SLC15A2: variants seen among roughly 807,000 people sequenced by gnomAD.
The protein encoded by SLC15A2 is kidney H(+)/peptide cotransporter.
Under a neutral mutation model 95.5 loss-of-function variants are expected in SLC15A2, and 77 were observed. That is an observed-to-expected ratio of 0.81 (90% confidence interval 0.67 to 0.97). The LOEUF (loss-of-function observed/expected upper bound fraction) is 0.97. Ranked by LOEUF, SLC15A2 falls within the 50% of genes least tolerant of loss-of-function variation. SLC15A2 has a pLI of 0.00. For synonymous variants in SLC15A2, 306 were observed against 306.9 expected, an observed-to-expected ratio of 1.00 and a Z score of 0.03; for missense variants, 893 against 874.4, an observed-to-expected ratio of 1.02 and a Z score of -0.27.
chr3:121,898,482 G>C (rs77858418), intron 3 of SLC15A2, among the ~76,000 whole-genome samples: 1 of 152,114 alleles, frequency 6.6e-6, no homozygotes, highest in Non-Finnish European at 1.5e-5. Context: ...GAAATGGATC[G>C]TGGTTATCCC....
chr3:121,897,813 A>G (rs1384599049), intron 3 of SLC15A2, among the ~76,000 whole-genome samples: 1 of 152,204 alleles, frequency 6.6e-6, no homozygotes, highest in Non-Finnish European at 1.5e-5. Flanking sequence ...TCCATAGTTT[A>G]ATATTAAATC....
intron 7 of SLC15A2, 93 bp downstream of exon 7, chr3:121,915,786 A>G: frequency 2.3e-6 from 2 of 873,346 alleles, no homozygotes; most frequent in Non-Finnish European, 3.9e-6. Context: ...GTTTCATTCA[A>G]TCCTCACACC....
At chr3:121,916,914 G>A (rs981009259) in intron 7 of SLC15A2, among the ~76,000 whole-genome samples, 1 of 151,854 alleles carries the variant, frequency 6.6e-6, no homozygotes, top group Non-Finnish European at 1.5e-5. Flanking sequence ...TCCACGTCCC[G>A]GGTTCACGCC....
chr3:121,928,256 C>A, intron 14 of SLC15A2, 165 bp from the exon 15 acceptor site: 1 of 756,100 alleles, frequency 1.3e-6, no homozygotes, highest in Non-Finnish European at 2.1e-6. Flanking sequence ...ATGTTTCCCT[C>A]TCCAAGCTGC....
At chr3:121,913,143 T>A in intron 5 of SLC15A2, 23 bp downstream of exon 5, 1 of 1,579,192 alleles carries the variant, frequency 6.3e-7, no homozygotes, top group Non-Finnish European at 8.7e-7. Flanking sequence ...TTATTTTGTA[T>A]TTTCAAGAAT....
In SLC15A2 at chr3:121,922,779, C is replaced by G. The variant is rs377297802; in HGVS notation, c.785C>G (p.Ala262Gly). 8 of 1,612,820 alleles carry G rather than the reference C, an allele frequency of 5.0e-6. No homozygotes were observed. In the African/African-American group the frequency reaches 1.1e-4, roughly 22 times the overall value. The change falls in exon 9 of 22, where the codon GCT (alanine) becomes GGT (glycine). Residue 262 changes from alanine (A) to glycine (G), a missense_variant. By Grantham distance (60) the Ala-to-Gly change is moderately conservative. Coordinates refer to ENST00000489711, the MANE Select transcript of SLC15A2 (RefSeq NM_021082.4). Reference sequence around the variant, plus strand: ...GATGTCTACTCTCTGCCCTAGTTTGCTATTTCCAATCGTTTCAAGAACCGT... The same window carrying G: ...GATGTCTACTCTCTGCCCTAGTTTGGTATTTCCAATCGTTTCAAGAACCGT... Reference protein sequence around the residue: ...VAQVFKCIWFAISNRFKNRSG... With the variant: ...VAQVFKCIWFGISNRFKNRSG...
intron 3 of SLC15A2, among the ~76,000 whole-genome samples, chr3:121,906,574 C>T (rs550910180): frequency 6.6e-6 from 1 of 152,278 alleles, no homozygotes; most frequent in African/African-American, 2.4e-5. Flanking sequence ...AATCTCTTAG[C>T]ATTTGCTTGC....
rs548579256 is a variant in SLC15A2 at position 121,907,433 on chromosome 3, T to TCTGG, written c.336-4140_336-4137dup. On this transcript the variant is annotated intron_variant, in intron 3 of 21. Transcript: ENST00000489711. ...CGATCCTTTGGAGGAGAAGAGGCAC[T>TCTGG]CTGGTTTTTAGAATTTTGAGCTTTT... 1.7e-4 allele frequency among the ~76,000 whole-genome samples: 26 copies of TCTGG among 152,340 alleles called. No individual in the cohort carries two copies. The East Asian group carries it at 5.0e-3, about 29-fold the overall frequency.
intron 13 of SLC15A2, among the ~76,000 whole-genome samples, chr3:121,925,830 T>A (rs1429568259): frequency 7.6e-6 from 1 of 131,224 alleles, no homozygotes; most frequent in East Asian, 2.3e-4. Flanking sequence ...GAAGGGAAGA[T>A]CAAGTGCCAA....
In SLC15A2 at chr3:121,911,625, C is replaced by G. The variant is rs1048148268; in HGVS notation, c.387C>G (p.Ser129=). Residue 129 remains serine (S), a synonymous_variant, in exon 4 of 22, where the codon TCC becomes TCG. Transcript: ENST00000489711. ...LVYVLGHVIK[S]LGALPILGGQ... ...ATGTGCTTGGCCATGTGATCAAGTC[C>G]TTGGGTGCCTTACCAATACTGGGAG... 6 of 1,613,840 alleles carry G rather than the reference C, an allele frequency of 3.7e-6. No homozygotes were observed. Among genetic ancestry groups the G allele is most frequent in the Non-Finnish European group, 3.4e-6 (4 of 1,179,860 alleles).
intron 19 of SLC15A2, among the ~76,000 whole-genome samples, chr3:121,936,099 T>C (rs1212467995): frequency 6.6e-6 from 1 of 152,246 alleles, no homozygotes; most frequent in African/African-American, 2.4e-5. Flanking sequence ...TAATCCTGAG[T>C]TCTAGTTGGA....
Position 121,922,273 on chromosome 3 carries a change from A to G in SLC15A2, c.751A>G (p.Ile251Val), listed in dbSNP as rs760429893. Residue 251 changes from isoleucine (I) to valine (V), a missense_variant, in exon 8 of 22, where the codon ATA (isoleucine) becomes GTA (valine). Coordinates refer to ENST00000489711, the MANE Select transcript of SLC15A2 (RefSeq NM_021082.4). ...IYNKPPPEGN[I>V]VAQVFKCIWF... The stretch of plus-strand genomic sequence containing the variant: ...CAATAAACCACCCCCTGAAGGAAAC[A>G]TAGTGGCTCAAGTTTTCAAATGTAT... 1.5e-5 allele frequency: 25 copies of G among 1,613,878 alleles called. No homozygotes were observed. Among genetic ancestry groups the G allele is most frequent in the East Asian group, 2.2e-5 (1 of 44,886 alleles).
At chr3:121,903,206 T>C (rs1025103938) in intron 3 of SLC15A2, among the ~76,000 whole-genome samples, 3 of 152,256 alleles carry the variant, frequency 2.0e-5, no homozygotes, top group Non-Finnish European at 4.4e-5. Flanking sequence ...GTGTTGTTTT[T>C]TTCTTGTAAA....
intron 19 of SLC15A2, among the ~76,000 whole-genome samples, chr3:121,932,953 T>C (rs1710262391): frequency 6.6e-6 from 1 of 151,968 alleles, no homozygotes; most frequent in African/African-American, 2.4e-5. Context: ...GATGTTCCCC[T>C]TCCTGTGTCC....
In SLC15A2 at chr3:121,934,495, A is replaced by G. The variant is rs916034083; in HGVS notation, c.1761+2760A>G. Among the ~76,000 whole-genome samples, 11 of 151,656 alleles carry G rather than the reference A, an allele frequency of 7.3e-5. 1 individual carries two copies. In the South Asian group the frequency reaches 1.3e-3, roughly 17 times the overall value. ...GTCCTTCACATCCCTTGTAAGTTGG[A>G]TTCCTAGGTATTTTATTCTCTTTGA... On this transcript the variant is annotated intron_variant, in intron 19 of 21. Transcript: ENST00000489711.
rs540880256 is a variant in SLC15A2, at chr3:121,921,027, T to C, written c.698-1193T>C. On this transcript the variant is annotated intron_variant, in intron 7 of 21. Transcript: ENST00000489711. ...CACTATTTTATAACTACAAAGGTAA[T>C]ACCAGCTCATTGTTAATTTGGAAAA... 7.9e-5 allele frequency among the ~76,000 whole-genome samples: 12 copies of C among 152,320 alleles called. No homozygotes were observed. In the East Asian group the frequency reaches 2.3e-3, roughly 29 times the overall value.
chr3:121,941,058 A>T lies in SLC15A2; in HGVS notation c.*51A>T. On this transcript the variant is annotated 3_prime_UTR_variant, in exon 22 of 22. Coordinates refer to ENST00000489711, the MANE Select transcript of SLC15A2 (RefSeq NM_021082.4). The stretch of plus-strand genomic sequence containing the variant: ...CCAATTCCTGGCCCTGTCTTGAAGC[A>T]TTTTTTTTCTTCTACTGGATTAGAC... The T allele has an allele frequency of 1.3e-6, 2 of 1,536,842 alleles. No homozygotes were observed. Among genetic ancestry groups the T allele is most frequent in the Non-Finnish European group, 8.8e-7 (1 of 1,134,176 alleles).
rs201993386 is a variant in SLC15A2, at chr3:121,935,515, T to G, written c.1761+3780T>G. On this transcript the variant is annotated intron_variant, in intron 19 of 21. Transcript: ENST00000489711. Reference sequence around the variant, plus strand: ...TGGGAGGGTGTATGTGTCCAGGAATTTATCCATTTCTTCTAGACTTTCTAG... The same window carrying G: ...TGGGAGGGTGTATGTGTCCAGGAATGTATCCATTTCTTCTAGACTTTCTAG... 4.8e-4 allele frequency among the ~76,000 whole-genome samples: 73 copies of G among 152,328 alleles called. 1 individual carries two copies. The East Asian group carries it at 0.012, about 25-fold the overall frequency.
intron 3 of SLC15A2, among the ~76,000 whole-genome samples, chr3:121,902,462 A>G (rs1312224479): frequency 2.0e-5 from 3 of 151,996 alleles, no homozygotes; most frequent in African/African-American, 7.3e-5. Flanking sequence ...TGCACCCATG[A>G]ACTCGCCATT....
Sources: gnomAD v4.1 joint callset for allele counts (sites outside exome capture counted in the v4.1 genomes callset) on GRCh38, gnomAD v4.1.1 for gene constraint, MANE v1.5 for transcripts, NCBI Gene and HGNC (gene_info 2026-07-23, HGNC 2026-07-21) for gene names.